Variants in SEPTIN7 observed in about 807,000 individuals in gnomAD.
SEPTIN7 encodes the protein septin 7.
A neutral mutation model predicts 63.3 loss-of-function variants in SEPTIN7; 10 were observed. The observed-to-expected ratio is 0.16, with a 90% confidence interval of 0.10 to 0.27. The LOEUF (loss-of-function observed/expected upper bound fraction) is 0.27. Ranked by LOEUF, SEPTIN7 falls within the 10% of genes least tolerant of loss-of-function variation. The pLI is 1.00. For missense variants in SEPTIN7, 310 were observed against 521.0 expected, an observed-to-expected ratio of 0.59 and a Z score of 3.94; for synonymous variants, 131 against 165.3, an observed-to-expected ratio of 0.79 and a Z score of 1.59.
chr7:35,867,980 C>T (rs1358899482), intron 4 of SEPTIN7, among the ~76,000 whole-genome samples: 2 of 151,670 alleles, frequency 1.3e-5, no homozygotes, highest in Non-Finnish European at 2.9e-5. Flanking sequence ...TCAAGCAATT[C>T]TCCTGCCTTA....
intron 3 of SEPTIN7, among the ~76,000 whole-genome samples, chr7:35,857,741 G>A (rs982078358): frequency 2.0e-5 from 3 of 152,086 alleles, no homozygotes; most frequent in Admixed American, 2.0e-4. Flanking sequence ...GTATAATTAG[G>A]TATTTGCTAA....
chr7:35,879,346 T>C (rs1232704323), intron 6 of SEPTIN7, among the ~76,000 whole-genome samples: 1 of 152,066 alleles, frequency 6.6e-6, no homozygotes, highest in African/African-American at 2.4e-5. Flanking sequence ...TAGGCAGGCA[T>C]GGTGGTGTGC....
intron 3 of SEPTIN7, among the ~76,000 whole-genome samples, chr7:35,849,964 A>G (rs1465395803): frequency 1.3e-5 from 2 of 152,216 alleles, no homozygotes; most frequent in African/African-American, 4.8e-5. Flanking sequence ...GTAATCTGGC[A>G]TATTGCCCTA....
At chr7:35,848,776 T>C (rs1583559134) in intron 3 of SEPTIN7, among the ~76,000 whole-genome samples, 3 of 152,338 alleles carry the variant, frequency 2.0e-5, no homozygotes, top group Admixed American at 6.5e-5. Context: ...GAAAATGTTC[T>C]GAGTAGGCAG....
intron 1 of SEPTIN7, among the ~76,000 whole-genome samples, chr7:35,820,527 A>G (rs538240780): frequency 9.9e-5 from 15 of 152,230 alleles, no homozygotes; most frequent in Admixed American, 2.0e-4. Context: ...GAGCTTCTCT[A>G]GTGAATACTT....
At chr7:35,841,238 A>G (rs960272008) in intron 3 of SEPTIN7, among the ~76,000 whole-genome samples, 2 of 152,140 alleles carry the variant, frequency 1.3e-5, no homozygotes, top group Non-Finnish European at 2.9e-5. Flanking sequence ...CGTAAAAAAA[A>G]AAATGTGGTT....
chr7:35,857,847 C>T (rs1583573565), intron 3 of SEPTIN7, among the ~76,000 whole-genome samples: 1 of 151,936 alleles, frequency 6.6e-6, no homozygotes, highest in East Asian at 1.9e-4. Context: ...AGGGAGAAAC[C>T]TTCATCACTG....
intron 11 of SEPTIN7, among the ~76,000 whole-genome samples, chr7:35,894,598 T>C (rs1192336139): frequency 6.6e-6 from 1 of 152,196 alleles, no homozygotes; most frequent in East Asian, 1.9e-4. Context: ...TTATGTTTGG[T>C]TTTAATACTC....
chr7:35,903,543 T>C (rs1294971382), intron 13 of SEPTIN7, among the ~76,000 whole-genome samples: 1 of 152,210 alleles, frequency 6.6e-6, no homozygotes, highest in Non-Finnish European at 1.5e-5. Context: ...TTTTCAATTT[T>C]TGGCACACAA....
intron 7 of SEPTIN7, among the ~76,000 whole-genome samples, chr7:35,881,179 A>G (rs552157766): frequency 1.1e-4 from 16 of 151,698 alleles, no homozygotes; most frequent in Non-Finnish European, 2.4e-4. Flanking sequence ...GTTTTAGTAC[A>G]TTGTTTTTAC....
intron 3 of SEPTIN7, among the ~76,000 whole-genome samples, chr7:35,860,893 G>C (rs1697884222): frequency 6.6e-6 from 1 of 152,152 alleles, no homozygotes; most frequent in Admixed American, 6.5e-5. Context: ...TCACCTTTGG[G>C]AAGTTTTTTC....
intron 1 of SEPTIN7, among the ~76,000 whole-genome samples, chr7:35,802,865 C>T (rs139445709): frequency 4.6e-5 from 7 of 152,216 alleles, no homozygotes; most frequent in African/African-American, 1.7e-4. Flanking sequence ...TCATCTCATT[C>T]AGCTGTTCAG....
intron 1 of SEPTIN7, among the ~76,000 whole-genome samples, chr7:35,806,402 G>A (rs1788341287): frequency 6.6e-6 from 1 of 152,142 alleles, no homozygotes; most frequent in African/African-American, 2.4e-5. Context: ...TATGGTTGAA[G>A]GGTCAACCAT....
intron 13 of SEPTIN7, 143 bp from the exon 14 acceptor site, chr7:35,904,111 C>G (rs897999000): frequency 1.1e-5 from 6 of 528,732 alleles, no homozygotes; most frequent in African/African-American, 5.9e-5. Flanking sequence ...CTGTTTACTT[C>G]TAAATCTTTT....
chr7:35,837,388 A>G (rs1186836536), intron 3 of SEPTIN7, among the ~76,000 whole-genome samples: 1 of 152,194 alleles, frequency 6.6e-6, no homozygotes, highest in Non-Finnish European at 1.5e-5. Context: ...TGGCCTGTAT[A>G]GGTTAGATAT....
At chr7:35,894,027 T>C (rs1321566386) in intron 11 of SEPTIN7, among the ~76,000 whole-genome samples, 3 of 151,898 alleles carry the variant, frequency 2.0e-5, no homozygotes, top group Non-Finnish European at 2.9e-5. Context: ...TCAAAGAAAA[T>C]TCAGCAAGGG....
intron 6 of SEPTIN7, among the ~76,000 whole-genome samples, chr7:35,875,011 C>T (rs1348404655): frequency 6.6e-6 from 1 of 152,120 alleles, no homozygotes; most frequent in East Asian, 1.9e-4. Flanking sequence ...TCTTAACCTG[C>T]ATTTAAGTCA....
At chr7:35,845,921 T>C (rs1327016610) in intron 3 of SEPTIN7, among the ~76,000 whole-genome samples, 1 of 152,146 alleles carries the variant, frequency 6.6e-6, no homozygotes, top group Non-Finnish European at 1.5e-5. Context: ...ACATGAATTA[T>C]ATATTTGTTT....
At chr7:35,844,514 T>A (rs1360224652) in intron 3 of SEPTIN7, among the ~76,000 whole-genome samples, 2 of 152,246 alleles carry the variant, frequency 1.3e-5, no homozygotes, top group South Asian at 4.1e-4. Flanking sequence ...TAGTCCAGTT[T>A]AAAACTTCAA....
Sources: allele counts gnomAD v4.1 joint callset (sites outside exome capture counted in the v4.1 genomes callset), GRCh38; gene constraint gnomAD v4.1.1; transcripts MANE v1.5; gene names NCBI Gene and HGNC (gene_info 2026-07-23, HGNC 2026-07-21).